PARD3B: variants seen among roughly 807,000 people sequenced by gnomAD.
PARD3B encodes the protein par-3 family cell polarity regulator beta.
PARD3B carries 103 observed loss-of-function variants against 130.2 expected under a neutral mutation model. The observed-to-expected ratio is 0.79, with a 90% CI of 0.67 to 0.93. PARD3B has a LOEUF of 0.93. Ranked by LOEUF, PARD3B falls within the 40% of genes least tolerant of loss-of-function variation. PARD3B has a pLI of 0.00. For missense variants in PARD3B, 1,609 were observed against 1,499.2 expected (o/e 1.07, Z -1.21); for synonymous variants, 583 against 553.2 (o/e 1.05, Z -0.76).
chr2:205,473,590 G>C lies in PARD3B; in HGVS notation c.3045-26306G>C, dbSNP rs2048913405. On this transcript the variant is annotated intron_variant, in intron 20 of 22. Transcript: ENST00000406610. This position sits in a 1 kb window ranked among gnomAD's most constrained non-coding sequence, Gnocchi z 4.9. ...AAAGAGCTGAAATAAAAATAAACAG[G>C]AAGGTGGCATGTACTAACTGAAATG... Among the ~76,000 whole-genome samples the C allele has an allele frequency of 6.7e-6, 1 of 150,250 alleles. No homozygotes were observed. Among genetic ancestry groups the C allele is most frequent in the Non-Finnish European group, 1.5e-5 (1 of 67,632 alleles).
rs186850837 is a variant in PARD3B at position 205,249,012 on chromosome 2, T to G, written c.2185+3190T>G. On this transcript the variant is annotated intron_variant, in intron 16 of 22. Transcript: ENST00000406610. ...TATTTAGGTTAAAATAAGAGTTTTT[T>G]TTTTTTTTTTTTTTTGAGACAGATT... is the stretch of plus-strand genomic sequence containing the variant. Among the ~76,000 whole-genome samples, 378 of 142,466 alleles carry G rather than the reference T, an allele frequency of 2.7e-3. 8 individuals are homozygous for G. Among genetic ancestry groups the G allele is most frequent in the African/African-American group, 9.6e-3 (361 of 37,572 alleles). The allele number at this position is 142,466 out of a possible 152,430, so 93.5% of individuals were successfully genotyped here.
chr2:204,776,904 G>A (rs912377007), intron 2 of PARD3B, among the ~76,000 whole-genome samples: 1 of 151,904 alleles, frequency 6.6e-6, no homozygotes, highest in Non-Finnish European at 1.5e-5. Flanking sequence ...CATAATGGGG[G>A]TGGGTAAAAC....
At chr2:205,053,453 A>G (rs1699374052) in intron 4 of PARD3B, among the ~76,000 whole-genome samples, 1 of 151,970 alleles carries the variant, frequency 6.6e-6, no homozygotes, top group Non-Finnish European at 1.5e-5. Context: ...GCTGGCCAAC[A>G]TGGTGAGACC....
At chr2:205,225,125 C>A (rs1027749892) in intron 15 of PARD3B, among the ~76,000 whole-genome samples, 1 of 152,072 alleles carries the variant, frequency 6.6e-6, no homozygotes, top group African/African-American at 2.4e-5. Flanking sequence ...ATATACATAG[C>A]AGTAGGATTG....
At chr2:205,536,813 G>T (rs911532124) in intron 21 of PARD3B, among the ~76,000 whole-genome samples, 3 of 152,178 alleles carry the variant, frequency 2.0e-5, no homozygotes, top group African/African-American at 7.2e-5. Context: ...AACATCTCAG[G>T]TCAGTGCCCC....
chr2:204,633,279 A>G (rs998852444), intron 1 of PARD3B, among the ~76,000 whole-genome samples: 6 of 152,158 alleles, frequency 3.9e-5, no homozygotes. Flanking sequence ...TACTACAAAA[A>G]TATCAATTCC....
chr2:204,966,122 C>A (rs1691221160), intron 3 of PARD3B, among the ~76,000 whole-genome samples: 1 of 152,136 alleles, frequency 6.6e-6, no homozygotes, highest in African/African-American at 2.4e-5. Context: ...AGGTCAGCTT[C>A]TTATTCTTTT....
Position 205,421,150 on chromosome 2 carries a change from C to CA in PARD3B, c.2742-19212dup, listed in dbSNP as rs201677019. The stretch of plus-strand genomic sequence containing the variant: ...ATCTCAAAAAACAAAAAAAACAAAA[C>CA]AAAAAAAACGGAAAAGAAAATATGT... On this transcript the variant is annotated intron_variant, in intron 19 of 22. Coordinates refer to ENST00000406610, the MANE Select transcript of PARD3B (RefSeq NM_001302769.2). This position sits in a 1 kb window ranked among gnomAD's most constrained non-coding sequence, Gnocchi z 5.1. 1.3e-4 allele frequency among the ~76,000 whole-genome samples: 19 copies of CA among 151,364 alleles called. No homozygotes were observed. The highest frequency in any genetic ancestry group is 5.8e-4 in the East Asian group (3 of 5,158).
intron 15 of PARD3B, among the ~76,000 whole-genome samples, chr2:205,224,548 C>T (rs377371588): frequency 2.7e-5 from 4 of 147,258 alleles, no homozygotes; most frequent in African/African-American, 5.0e-5. Context: ...AGAAGCCCCC[C>T]GCCCCCAACC....
rs2053195058 is a variant in PARD3B, at chr2:205,563,091, A to G, written c.3260+9688A>G. Reference sequence around the variant, plus strand: ...AAAAAGTTAGTGCCTCACCAAATGCATGAATACATGATATTATTCAACAGG... The same window carrying G: ...AAAAAGTTAGTGCCTCACCAAATGCGTGAATACATGATATTATTCAACAGG... On this transcript the variant is annotated intron_variant, in intron 22 of 22. Transcript: ENST00000406610. The surrounding 1 kb of genome is among the most constrained non-coding windows in gnomAD (Gnocchi z 4.2). 6.6e-6 allele frequency among the ~76,000 whole-genome samples: 1 copy of G among 152,252 alleles called. No homozygotes were observed. The highest frequency in any genetic ancestry group is 6.5e-5 in the Admixed American group (1 of 15,286).
chr2:204,964,479 G>T (rs1170670533), intron 2 of PARD3B, among the ~76,000 whole-genome samples: 1 of 152,130 alleles, frequency 6.6e-6, no homozygotes, highest in African/African-American at 2.4e-5. Context: ...CATATAATTA[G>T]ATTAAAAGTA....
intron 3 of PARD3B, among the ~76,000 whole-genome samples, chr2:205,000,734 C>G (rs147753871): frequency 3.4e-4 from 52 of 152,226 alleles, no homozygotes; most frequent in African/African-American, 1.1e-3. Context: ...ATCATGGGAG[C>G]AATTTTTTTT....
intron 22 of PARD3B, among the ~76,000 whole-genome samples, chr2:205,587,692 G>A (rs1232104968): frequency 2.0e-5 from 3 of 152,092 alleles, no homozygotes. Flanking sequence ...TATTGATTTG[G>A]AGTTTTAAAA....
chr2:205,400,654 T>A (rs1017154587), intron 18 of PARD3B, among the ~76,000 whole-genome samples: 23 of 149,642 alleles, frequency 1.5e-4, no homozygotes, highest in Admixed American at 8.0e-4. Context: ...AAAAAAAAAA[T>A]AAAAACTAAA....
At chr2:205,566,112 T>C (rs367673673) in intron 22 of PARD3B, among the ~76,000 whole-genome samples, 44 of 152,232 alleles carry the variant, frequency 2.9e-4, no homozygotes, top group African/African-American at 9.9e-4. Flanking sequence ...GAAAGGTGTG[T>C]GACTGGAACA....
At chr2:204,643,115 CAAA>C (rs71029202) in intron 1 of PARD3B, among the ~76,000 whole-genome samples, 1 of 31,812 alleles carries the variant, frequency 3.1e-5, no homozygotes, top group Non-Finnish European at 5.9e-5. Context: ...CTCTGTCTCA[CAAA>C]AAAAAAAAAA....
intron 10 of PARD3B, among the ~76,000 whole-genome samples, chr2:205,134,740 T>A (rs2032326191): frequency 1.3e-5 from 2 of 152,210 alleles, no homozygotes; most frequent in Admixed American, 6.5e-5. Flanking sequence ...TGAACTATTG[T>A]CAGCAAAATC....
At chr2:204,825,734 A>G (rs1455020053) in intron 2 of PARD3B, among the ~76,000 whole-genome samples, 1 of 152,240 alleles carries the variant, frequency 6.6e-6, no homozygotes, top group African/African-American at 2.4e-5. Context: ...CACTGAAGTT[A>G]CAGTGAGCTT....
At chr2:205,099,493 CAT>C (rs1199022469) in intron 4 of PARD3B, among the ~76,000 whole-genome samples, 3 of 152,272 alleles carry the variant, frequency 2.0e-5, no homozygotes, top group South Asian at 4.1e-4. Flanking sequence ...CATTTTTAGA[CAT>C]GTGCAATTTC....
Sources: allele counts gnomAD v4.1 joint callset (sites outside exome capture counted in the v4.1 genomes callset), GRCh38; gene constraint gnomAD v4.1.1; non-coding constraint Gnocchi (gnomAD v3.1); transcripts MANE v1.5; gene names NCBI Gene and HGNC (gene_info 2026-07-23, HGNC 2026-07-21).